PCDH15: variants seen among roughly 807,000 people sequenced by gnomAD.
The protein encoded by PCDH15 is protocadherin-15.
PCDH15 carries 129 observed loss-of-function variants against 178.5 expected under a neutral mutation model. The observed-to-expected ratio is 0.72, with a 90% CI of 0.63 to 0.84. The LOEUF is 0.84. PCDH15 is among the 40% of genes least tolerant of loss of function. The pLI, the probability that PCDH15 is intolerant of heterozygous loss-of-function variation, is 0.00. For missense variants in PCDH15, 2,230 were observed against 2,099.9 expected (o/e 1.06, Z -1.21); for synonymous variants, 800 against 732.0 (o/e 1.09, Z -1.50).
intron 1 of PCDH15, among the ~76,000 whole-genome samples, chr10:54,688,744 C>A (rs1343236451): frequency 6.6e-6 from 1 of 151,964 alleles, no homozygotes; most frequent in Non-Finnish European, 1.5e-5. Context: ...AAGTTAAACC[C>A]CAAAAGCAGC....
At chr10:54,031,252 T>G (rs1322421894) in intron 18 of PCDH15, among the ~76,000 whole-genome samples, 1 of 151,978 alleles carries the variant, frequency 6.6e-6, no homozygotes, top group East Asian at 1.9e-4. Flanking sequence ...TTTTTTTTGT[T>G]TGTTTTTATT....
chr10:54,598,819 A>G (rs2092369527), intron 2 of PCDH15, among the ~76,000 whole-genome samples: 1 of 152,124 alleles, frequency 6.6e-6, no homozygotes. Flanking sequence ...TACCATTGCT[A>G]TACATCAACA....
intron 10 of PCDH15, 30 bp from the exon 11 acceptor site, chr10:54,195,919 G>T: frequency 1.3e-6 from 2 of 1,584,858 alleles, no homozygotes; most frequent in Admixed American, 1.7e-5. Context: ...AAAATATTTA[G>T]AAAGTATATG....
chr10:54,395,363 T>TAA (rs1328027054), intron 3 of PCDH15, among the ~76,000 whole-genome samples: 2,588 of 131,020 alleles, frequency 0.02, 69 homozygotes, highest in African/African-American at 0.066. Context: ...CAACATAAAA[T>TAA]AAAAAAAAAA....
chr10:55,314,373 G>A (rs994215840), intron 1 of PCDH15, among the ~76,000 whole-genome samples: 29 of 151,668 alleles, frequency 1.9e-4, no homozygotes, highest in Admixed American at 1.3e-3. Context: ...AACTGCTGAA[G>A]AAAAACAAAA....
chr10:55,073,865 C>T (rs957024436), intron 2 of PCDH15, among the ~76,000 whole-genome samples: 1 of 151,972 alleles, frequency 6.6e-6, no homozygotes, highest in Non-Finnish European at 1.5e-5. Context: ...TTGCTCCCCC[C>T]CATCTCCCCC....
At chr10:54,943,973 A>T (rs1230738818) in intron 2 of PCDH15, among the ~76,000 whole-genome samples, 2 of 151,982 alleles carry the variant, frequency 1.3e-5, no homozygotes, top group South Asian at 2.1e-4. Flanking sequence ...CTTTCTCAAC[A>T]GTAGGTAGTT....
chr10:55,040,526 A>AAC (rs1564740618), intron 2 of PCDH15, among the ~76,000 whole-genome samples: 2 of 128,638 alleles, frequency 1.6e-5, no homozygotes, highest in African/African-American at 5.3e-5. Flanking sequence ...ACAACAACAA[A>AAC]AACACAGGAG....
intron 2 of PCDH15, among the ~76,000 whole-genome samples, chr10:55,579,542 G>A (rs1263223969): frequency 6.6e-6 from 1 of 152,022 alleles, no homozygotes; most frequent in Non-Finnish European, 1.5e-5. Context: ...ATTCTAACTA[G>A]ACACTGTCTT....
At chr10:54,467,469 G>A (rs915555302) in intron 3 of PCDH15, among the ~76,000 whole-genome samples, 1 of 151,756 alleles carries the variant, frequency 6.6e-6, no homozygotes, top group African/African-American at 2.4e-5. Context: ...AGCATATGTT[G>A]AGCAATCTTT....
At chr10:53,973,563 T>A (rs921307332) in intron 21 of PCDH15, among the ~76,000 whole-genome samples, 1 of 152,196 alleles carries the variant, frequency 6.6e-6, no homozygotes, top group Non-Finnish European at 1.5e-5. Flanking sequence ...AAAAGCAGTA[T>A]ACAGAATTAC....
At chr10:54,105,240 C>T (rs11004068) in intron 15 of PCDH15, among the ~76,000 whole-genome samples, 81,244 of 137,838 alleles carry the variant, frequency 0.59, 24,080 homozygotes, top group Middle Eastern at 0.68. Context: ...ACAGAACTAA[C>T]AAGAGATATA....
At chr10:54,174,294 A>G (rs2047198973) in intron 13 of PCDH15, among the ~76,000 whole-genome samples, 1 of 152,092 alleles carries the variant, frequency 6.6e-6, no homozygotes, top group Non-Finnish European at 1.5e-5. Flanking sequence ...GCACTTTGGG[A>G]GGCCGAGGCA....
chr10:54,634,050 CAG>C (rs921180371), intron 2 of PCDH15, among the ~76,000 whole-genome samples: 2 of 152,114 alleles, frequency 1.3e-5, no homozygotes, highest in African/African-American at 4.8e-5. Context: ...CCATTACTTT[CAG>C]GTTTCTTGTG....
intron 2 of PCDH15, among the ~76,000 whole-genome samples, chr10:55,358,826 G>A (rs1056328810): frequency 2.0e-5 from 3 of 151,988 alleles, no homozygotes; most frequent in Admixed American, 6.6e-5. Flanking sequence ...TTTGCTTTTC[G>A]TAATAGTTCC....
At chr10:54,536,366 A>G (rs919681323) in intron 2 of PCDH15, among the ~76,000 whole-genome samples, 3 of 146,976 alleles carry the variant, frequency 2.0e-5, no homozygotes, top group Non-Finnish European at 4.5e-5. Flanking sequence ...CTGTTTTTTA[A>G]AAAGCAATGA....
chr10:55,360,843 C>A (rs574442976), intron 2 of PCDH15, among the ~76,000 whole-genome samples: 1 of 151,938 alleles, frequency 6.6e-6, no homozygotes, highest in Non-Finnish European at 1.5e-5. Context: ...CTGTTATAAA[C>A]CATACAAAAA....
chr10:54,352,117 CAT>C (rs1423196138), intron 5 of PCDH15, among the ~76,000 whole-genome samples: 2 of 152,046 alleles, frequency 1.3e-5, no homozygotes, highest in African/African-American at 4.8e-5. Context: ...TCTGGAGTCT[CAT>C]GTGTCATATC....
intron 21 of PCDH15, among the ~76,000 whole-genome samples, chr10:53,974,327 C>T (rs955703496): frequency 6.6e-6 from 1 of 152,070 alleles, no homozygotes; most frequent in Non-Finnish European, 1.5e-5. Flanking sequence ...AAATTAAACA[C>T]AATTTAAAAC....
Sources: allele counts gnomAD v4.1 joint callset (sites outside exome capture counted in the v4.1 genomes callset), GRCh38; gene constraint gnomAD v4.1.1; transcripts MANE v1.5; gene names NCBI Gene and HGNC (gene_info 2026-07-23, HGNC 2026-07-21).